Variants in RAC2 observed in about 807,000 individuals in gnomAD.
RAC2 encodes ras-related C3 botulinum toxin substrate 2.
Under a neutral mutation model 24.0 loss-of-function variants are expected in RAC2, and 1 was observed. The observed-to-expected ratio is 0.04, with a 90% CI of 0.01 to 0.20. The LOEUF is 0.20. RAC2 is among the 10% of genes least tolerant of loss of function. The pLI is 1.00. For missense variants in RAC2, 130 were observed against 259.1 expected, an observed-to-expected ratio of 0.50 and a Z score of 3.42; for synonymous variants, 114 against 106.8, an observed-to-expected ratio of 1.07 and a Z score of -0.41.
At chr22:37,226,917 T>G in intron 5 of RAC2, 114 bp from the exon 6 acceptor site, 1 of 1,277,554 alleles carries the variant, frequency 7.8e-7, no homozygotes, top group Non-Finnish European at 1.1e-6. Flanking sequence ...TCCCACGCCA[T>G]ACACCCCTCC....
rs1287478523 is a variant in RAC2 at position 37,232,650 on chromosome 22, G to A, written c.225+151C>T. Reference sequence around the variant, plus strand: ...GGAGTGCAAGAGGAAGCCCTTCTCTGCCTGGGACATGCAAGGCAGGCAGAC... The same window carrying A: ...GGAGTGCAAGAGGAAGCCCTTCTCTACCTGGGACATGCAAGGCAGGCAGAC... On this transcript the variant is annotated intron_variant, in intron 3 of 6. Transcript: ENST00000249071. 12 of 687,352 alleles carry A rather than the reference G, an allele frequency of 1.7e-5. No individual in the cohort carries two copies. The East Asian group carries it at 3.2e-4, about 19-fold the overall frequency. 42.6% of individuals were successfully genotyped at this position (687,352 alleles called of 1,614,324 possible). A position where few individuals can be genotyped will look rare whatever the true frequency, so the allele number is the denominator to read the frequency against.
intron 2 of RAC2, among the ~76,000 whole-genome samples, chr22:37,236,020 C>G (rs1307362706): frequency 6.6e-6 from 1 of 152,220 alleles, no homozygotes; most frequent in African/African-American, 2.4e-5. Flanking sequence ...CTGAAGAGGT[C>G]AAGGACCTTT....
In RAC2 at chr22:37,231,674, C is replaced by T. The variant is rs961658370; in HGVS notation, c.288+258G>A. Among the ~76,000 whole-genome samples, 4 of 151,868 alleles carry T rather than the reference C, an allele frequency of 2.6e-5. No homozygotes were observed. Among genetic ancestry groups the T allele is most frequent in the African/African-American group, 4.8e-5 (2 of 41,278 alleles). On this transcript the variant is annotated intron_variant, in intron 4 of 6. Transcript: ENST00000249071. This position sits in a 1 kb window ranked among gnomAD's most constrained non-coding sequence, Gnocchi z 5.5. ...CATGAGGTTATGTGACAATCGGAGG[C>T]GGACATGAGGTTGTGTGGGGAGGAG...
intron 2 of RAC2, among the ~76,000 whole-genome samples, chr22:37,240,621 G>A (rs780214494): frequency 6.6e-6 from 1 of 152,214 alleles, no homozygotes; most frequent in Non-Finnish European, 1.5e-5. Flanking sequence ...CCATGTAGAA[G>A]ACACTGTGCT....
intron 5 of RAC2, among the ~76,000 whole-genome samples, chr22:37,229,785 G>T (rs932168443): frequency 6.6e-6 from 1 of 152,220 alleles, no homozygotes; most frequent in African/African-American, 2.4e-5. Flanking sequence ...GGCCTTTGGG[G>T]ATTGTCCAGG....
chr22:37,233,689 C>T (rs1400921889), intron 2 of RAC2, among the ~76,000 whole-genome samples: 1 of 152,154 alleles, frequency 6.6e-6, no homozygotes, highest in African/African-American at 2.4e-5. Flanking sequence ...GAAGTGACTC[C>T]AGGATGCTGC....
chr22:37,237,827 C>G (rs1407698223), intron 2 of RAC2, among the ~76,000 whole-genome samples: 1 of 151,860 alleles, frequency 6.6e-6, no homozygotes, highest in East Asian at 1.9e-4. Flanking sequence ...CAGGGAGCTT[C>G]CATCCAAGAG....
intron 2 of RAC2, among the ~76,000 whole-genome samples, chr22:37,236,328 T>G (rs1053014491): frequency 3.3e-5 from 5 of 152,316 alleles, no homozygotes; most frequent in African/African-American, 1.2e-4. Flanking sequence ...GTGACACCCC[T>G]GAGGGTCCCC....
chr22:37,237,939 G>A (rs950238532), intron 2 of RAC2, among the ~76,000 whole-genome samples: 12 of 151,780 alleles, frequency 7.9e-5, no homozygotes, highest in South Asian at 2.1e-4. Context: ...GGTTGGAGAC[G>A]GGGGGCTGCT....
intron 5 of RAC2, among the ~76,000 whole-genome samples, chr22:37,230,553 A>AC (rs1927028452): frequency 6.6e-6 from 1 of 151,594 alleles, no homozygotes; most frequent in South Asian, 2.1e-4. Context: ...ACAAAGAAGC[A>AC]CCCCCCAGCA....
chr22:37,243,694 G>A (rs1304596871), intron 1 of RAC2, among the ~76,000 whole-genome samples: 1 of 152,194 alleles, frequency 6.6e-6, no homozygotes, highest in Non-Finnish European at 1.5e-5. Context: ...ACTTGCCCAA[G>A]GCCACACAGC....
intron 3 of RAC2, chr22:37,232,308 C>T (rs1014777941): frequency 2.9e-5 from 14 of 486,470 alleles, no homozygotes; most frequent in Admixed American, 1.3e-4. Flanking sequence ...AGTTTGCCAA[C>T]GTGCACTCTG....
chr22:37,239,876 T>C (rs536316123), intron 2 of RAC2, among the ~76,000 whole-genome samples: 188 of 152,246 alleles, frequency 1.2e-3, no homozygotes, highest in African/African-American at 4.4e-3. Context: ...CAGCCCTCCC[T>C]TGGCACTTAG....
chr22:37,239,584 A>C (rs1370918015), intron 2 of RAC2, among the ~76,000 whole-genome samples: 1 of 152,162 alleles, frequency 6.6e-6, no homozygotes, highest in Non-Finnish European at 1.5e-5. Flanking sequence ...TCAGCCATCC[A>C]TCTCAACGTA....
chr22:37,230,822 A>G (rs1372357998), intron 5 of RAC2, among the ~76,000 whole-genome samples: 1 of 152,098 alleles, frequency 6.6e-6, no homozygotes, highest in African/African-American at 2.4e-5. Context: ...CTTGTCCTCC[A>G]AGCAACCACA....
At chr22:37,227,528 G>A (rs1057261408) in intron 5 of RAC2, among the ~76,000 whole-genome samples, 3 of 15,860 alleles carry the variant, frequency 1.9e-4, no homozygotes, top group South Asian at 2.1e-3. Flanking sequence ...CCCCTCCCAC[G>A]CCATACACCC....
chr22:37,226,003 G>C lies in RAC2; in HGVS notation c.*39C>G, dbSNP rs1017040638. On this transcript the variant is annotated 3_prime_UTR_variant, in exon 7 of 7. Coordinates refer to ENST00000249071, the MANE Select transcript of RAC2 (RefSeq NM_002872.5). ...CAGGCTTTGGGTGGGGATCCTGGAG[G>C]ATCAGACCCATCTAGGTGGGAGCGC... is the stretch of plus-strand genomic sequence containing the variant. The C allele has an allele frequency of 3.2e-5, 5 of 154,110 alleles. No homozygotes were observed. Among genetic ancestry groups the C allele is most frequent in the Admixed American group, 1.3e-4 (2 of 15,686 alleles). The allele number at this position is 154,110 out of a possible 1,614,324, so 9.5% of individuals were successfully genotyped here.
chr22:37,235,950 T>A (rs574325969), intron 2 of RAC2, among the ~76,000 whole-genome samples: 1 of 152,276 alleles, frequency 6.6e-6, no homozygotes, highest in South Asian at 2.1e-4. Flanking sequence ...TGAAGTCTCA[T>A]GTGATCCAAG....
rs1336790630 is a variant in RAC2 at position 37,241,779 on chromosome 22, G to A, written c.36-121C>T. 40 of 837,466 alleles carry A rather than the reference G, an allele frequency of 4.8e-5. 2 individuals carry two copies. Among genetic ancestry groups the A allele is most frequent in the South Asian group, 4.6e-4 (34 of 73,160 alleles). The allele number at this position is 837,466 out of a possible 1,614,324, so 51.9% of individuals were successfully genotyped here. ...ACCCAGCCTAGCCCTCTGGGCCTCC[G>A]TCTCCCCATGTGAGATGCCCCCTGT... is the stretch of plus-strand genomic sequence containing the variant. On this transcript the variant is annotated intron_variant, in intron 1 of 6. Coordinates refer to ENST00000249071, the MANE Select transcript of RAC2 (RefSeq NM_002872.5).
Sources: allele counts gnomAD v4.1 joint callset (sites outside exome capture counted in the v4.1 genomes callset), GRCh38; gene constraint gnomAD v4.1.1; non-coding constraint Gnocchi (gnomAD v3.1); transcripts MANE v1.5; gene names NCBI Gene and HGNC (gene_info 2026-07-23, HGNC 2026-07-21).